SCMH1: variants seen among roughly 807,000 people sequenced by gnomAD.
SCMH1 encodes polycomb protein SCMH1.
Under a neutral mutation model 70.8 loss-of-function variants are expected in SCMH1, and 37 were observed. The ratio of observed to expected loss-of-function variants is 0.52; its 90% confidence interval spans 0.40 to 0.69. The LOEUF (loss-of-function observed/expected upper bound fraction) is 0.69. SCMH1 is among the 30% of genes least tolerant of loss of function. The probability of loss-of-function intolerance (pLI) is 0.00; values close to 1 mark genes in which losing one functional copy is unlikely to be tolerated. For synonymous variants in SCMH1, 292 were observed against 307.4 expected (o/e 0.95, Z 0.52); for missense variants, 607 against 827.3 (o/e 0.73, Z 3.27).
At chr1:41,073,645 T>TCCAC (rs1657278493) in intron 9 of SCMH1, among the ~76,000 whole-genome samples, 1 of 151,238 alleles carries the variant, frequency 6.6e-6, no homozygotes, top group African/African-American at 2.4e-5. Flanking sequence ...CATCCATCCA[T>TCCAC]CCATCCATCC....
intron 1 of SCMH1, among the ~76,000 whole-genome samples, chr1:41,207,849 A>C (rs568438324): frequency 0.014 from 1,996 of 142,226 alleles, 24 homozygotes; most frequent in African/African-American, 0.031. Flanking sequence ...TAGTTCAACC[A>C]TTGTGGAAGT....
intron 2 of SCMH1, among the ~76,000 whole-genome samples, chr1:41,176,039 A>G (rs1572845464): frequency 6.6e-6 from 1 of 151,948 alleles, no homozygotes; most frequent in Non-Finnish European, 1.5e-5. Context: ...CAGTATACAC[A>G]AAATTGGTTC....
At chr1:41,169,821 T>C (rs940629237) in intron 2 of SCMH1, among the ~76,000 whole-genome samples, 3 of 152,158 alleles carry the variant, frequency 2.0e-5, no homozygotes, top group African/African-American at 7.2e-5. Context: ...ATCTGCTGCT[T>C]TTTTCCTGCA....
intron 8 of SCMH1, among the ~76,000 whole-genome samples, chr1:41,082,874 C>T (rs972715637): frequency 2.6e-5 from 4 of 152,236 alleles, no homozygotes; most frequent in African/African-American, 9.6e-5. Flanking sequence ...CGACAAAAAC[C>T]ACATGATTAT....
rs150299038 is a variant in SCMH1, at chr1:41,204,797, T to TTTATG, written c.-117-18552_-117-18548dup. 2.8e-3 allele frequency among the ~76,000 whole-genome samples: 427 copies of TTTATG among 152,312 alleles called. 5 individuals carry two copies. Among genetic ancestry groups the TTTATG allele is most frequent in the African/African-American group, 9.6e-3 (399 of 41,562 alleles). On this transcript the variant is annotated intron_variant, in intron 1 of 14. Coordinates refer to ENST00000337495, the Ensembl canonical transcript of SCMH1. ...TTTATTTGTCTCTCTCACTGGGGTG[T>TTTATG]TTATGTTATTCATTCAGCATTATAT...
intron 1 of SCMH1, among the ~76,000 whole-genome samples, chr1:41,231,237 T>G (rs1573271046): frequency 6.6e-6 from 1 of 152,206 alleles, no homozygotes; most frequent in Admixed American, 6.5e-5. Context: ...CCACCTAGTA[T>G]ACATTCTGGC....
chr1:41,116,729 A>G (rs931817484), intron 7 of SCMH1, among the ~76,000 whole-genome samples, 193 bp downstream of exon 7: 13 of 151,912 alleles, frequency 8.6e-5, no homozygotes, highest in Non-Finnish European at 1.6e-4. Flanking sequence ...CTGGGACCAT[A>G]TAATCTAATC....
At chr1:41,167,957 A>G (rs1646524375) in intron 2 of SCMH1, among the ~76,000 whole-genome samples, 1 of 123,450 alleles carries the variant, frequency 8.1e-6, no homozygotes, top group Non-Finnish European at 1.6e-5. Flanking sequence ...GTATCATCCT[A>G]CTCTCTTCTG....
At chr1:41,128,484 A>G (rs1035152329) in intron 6 of SCMH1, among the ~76,000 whole-genome samples, 5 of 152,106 alleles carry the variant, frequency 3.3e-5, no homozygotes, top group Non-Finnish European at 7.4e-5. Context: ...ATGCTGCTCC[A>G]CTGTATTCTG....
chr1:41,116,361 G>A (rs1194525885), intron 7 of SCMH1, among the ~76,000 whole-genome samples: 1 of 152,174 alleles, frequency 6.6e-6, no homozygotes, highest in East Asian at 1.9e-4. Flanking sequence ...CACTTCTTGA[G>A]AAGCAATAAC....
chr1:41,066,249 C>A (rs1654554668), intron 10 of SCMH1, among the ~76,000 whole-genome samples: 1 of 152,192 alleles, frequency 6.6e-6, no homozygotes, highest in Admixed American at 6.5e-5. Context: ...GGTCTTCTGG[C>A]AGCTCCCTAT....
chr1:41,134,052 G>C (rs1047532810), intron 6 of SCMH1, among the ~76,000 whole-genome samples: 2 of 152,036 alleles, frequency 1.3e-5, no homozygotes, highest in African/African-American at 4.8e-5. Context: ...CTGACAAACC[G>C]AATCCAGCAG....
At position 41,113,098 on chromosome 1, in the gene SCMH1, A is replaced by T. The variant is rs183398787; in HGVS notation, c.745+185T>A. 6.6e-6 allele frequency among the ~76,000 whole-genome samples: 1 copy of T among 152,306 alleles called. No individual in the cohort carries two copies. Among genetic ancestry groups the T allele is most frequent in the Non-Finnish European group, 1.5e-5 (1 of 68,028 alleles). On this transcript the variant is annotated intron_variant, in intron 8 of 14. Transcript: ENST00000337495. The surrounding 1 kb of genome is among the most constrained non-coding windows in gnomAD (Gnocchi z 4.3). ...CAAATGCCATATGCGGTTTCATTTGACACTTAATACTTAACTGTTTCTAAT... is the reference window on the plus strand; with the variant it reads ...CAAATGCCATATGCGGTTTCATTTGTCACTTAATACTTAACTGTTTCTAAT...
intron 1 of SCMH1, among the ~76,000 whole-genome samples, chr1:41,202,641 G>A (rs1251831865): frequency 6.6e-6 from 1 of 152,078 alleles, no homozygotes; most frequent in African/African-American, 2.4e-5. Context: ...AGACACTCCT[G>A]AAGAATACAA....
At chr1:41,056,499 T>C (rs1007831308) in intron 10 of SCMH1, among the ~76,000 whole-genome samples, 1 of 152,120 alleles carries the variant, frequency 6.6e-6, no homozygotes, top group African/African-American at 2.4e-5. Flanking sequence ...TTGGAGGTTA[T>C]TAAAAAAATT....
chr1:41,182,397 C>T (rs770380569), intron 2 of SCMH1, among the ~76,000 whole-genome samples: 7 of 151,928 alleles, frequency 4.6e-5, no homozygotes, highest in Non-Finnish European at 7.4e-5. Context: ...GCAAAATGAA[C>T]AAAATAACAG....
intron 1 of SCMH1, among the ~76,000 whole-genome samples, chr1:41,226,993 G>C (rs1660393928): frequency 1.3e-5 from 2 of 152,134 alleles, no homozygotes. Context: ...CAGAAGAAAG[G>C]GTGGTGCATA....
chr1:41,144,994 T>C (rs972290564), intron 5 of SCMH1, among the ~76,000 whole-genome samples: 3 of 152,208 alleles, frequency 2.0e-5, no homozygotes, highest in African/African-American at 7.2e-5. Context: ...ACAAGTCCTT[T>C]ACCAGATATA....
intron 2 of SCMH1, among the ~76,000 whole-genome samples, chr1:41,182,447 T>C (rs1473859686): frequency 6.6e-6 from 1 of 152,184 alleles, no homozygotes; most frequent in Non-Finnish European, 1.5e-5. Flanking sequence ...AAAAGTTCGG[T>C]GGCCCATGCC....
Sources: allele counts gnomAD v4.1 joint callset (sites outside exome capture counted in the v4.1 genomes callset), GRCh38; gene constraint gnomAD v4.1.1; non-coding constraint Gnocchi (gnomAD v3.1); transcripts MANE v1.5; gene names NCBI Gene and HGNC (gene_info 2026-07-23, HGNC 2026-07-21).